The following BBX variants were observed in gnomAD, a reference collection of about 807,000 sequenced individuals.
BBX encodes HMG box transcription factor BBX.
BBX carries 30 observed loss-of-function variants against 100.2 expected under a neutral mutation model. The ratio of observed to expected loss-of-function variants is 0.30; its 90% CI spans 0.22 to 0.41. The LOEUF is 0.41. Among genes scored for constraint, BBX ranks in the 10% least tolerant of loss-of-function variants. The pLI is 1.00. For missense variants in BBX, 1,023 were observed against 1,129.8 expected, an observed-to-expected ratio of 0.91 and a Z score of 1.35; for synonymous variants, 376 against 388.1, an observed-to-expected ratio of 0.97 and a Z score of 0.37.
intron 3 of BBX, among the ~76,000 whole-genome samples, chr3:107,673,094 T>A (rs1246545502): frequency 6.6e-6 from 1 of 152,064 alleles, no homozygotes; most frequent in East Asian, 1.9e-4. Flanking sequence ...TATAATTTTG[T>A]GATTTTGAAT....
intron 3 of BBX, among the ~76,000 whole-genome samples, chr3:107,673,922 C>T (rs976985869): frequency 1.3e-5 from 2 of 152,088 alleles, no homozygotes; most frequent in Non-Finnish European, 2.9e-5. Flanking sequence ...GCACTGTCCT[C>T]GTGACAGTCT....
intron 7 of BBX, among the ~76,000 whole-genome samples, chr3:107,736,026 A>G (rs73850144): frequency 0.017 from 2,655 of 152,148 alleles, 75 homozygotes; most frequent in African/African-American, 0.061. Flanking sequence ...CCCAGAGTAC[A>G]TTGAAATGCA....
At chr3:107,582,947 T>C (rs1012136953) in intron 2 of BBX, among the ~76,000 whole-genome samples, 3 of 151,954 alleles carry the variant, frequency 2.0e-5, no homozygotes, top group African/African-American at 4.8e-5. Context: ...GCTATAAAAG[T>C]TCTACAATGC....
intron 5 of BBX, 53 bp from the exon 6 acceptor site, chr3:107,728,712 C>T (rs2063125180): frequency 2.6e-6 from 4 of 1,514,776 alleles, no homozygotes; most frequent in Non-Finnish European, 3.6e-6. Flanking sequence ...GCCTTTAGAA[C>T]TTTTTCAATC....
At chr3:107,603,790 G>T (rs2054234785) in intron 2 of BBX, among the ~76,000 whole-genome samples, 1 of 152,054 alleles carries the variant, frequency 6.6e-6, no homozygotes. Context: ...GCAGCAAAGG[G>T]TATGACTCAC....
At chr3:107,702,071 G>A (rs934844373) in intron 3 of BBX, among the ~76,000 whole-genome samples, 1 of 152,214 alleles carries the variant, frequency 6.6e-6, no homozygotes, top group African/African-American at 2.4e-5. Context: ...AAAGCACTTA[G>A]GACCAACCTG....
At chr3:107,636,687 G>T (rs995010961) in intron 2 of BBX, among the ~76,000 whole-genome samples, 5 of 152,140 alleles carry the variant, frequency 3.3e-5, no homozygotes, top group Admixed American at 2.0e-4. Context: ...AGTGACAAAG[G>T]ATAACCCTTA....
chr3:107,731,679 CTT>C (rs369828481), intron 6 of BBX, among the ~76,000 whole-genome samples: 16 of 151,540 alleles, frequency 1.1e-4, no homozygotes, highest in Non-Finnish European at 2.4e-4. Context: ...ACCCCTGCCC[CTT>C]TTTTTTACTA....
At chr3:107,688,011 C>T (rs1268317305) in intron 3 of BBX, among the ~76,000 whole-genome samples, 1 of 151,950 alleles carries the variant, frequency 6.6e-6, no homozygotes, top group Admixed American at 6.6e-5. Flanking sequence ...GCTGAGATTG[C>T]ACCACAGCAC....
Position 107,772,992 on chromosome 3 carries a change from G to A in BBX, c.1271G>A (p.Ser424Asn), listed in dbSNP as rs1055795740. ...SSKIIISDVP[S>N]RKDHMCHPHG... ...AAGATAATAATTAGTGATGTTCCCA[G>A]TAGAAAGGATCATATGTGCCATCCT... The change falls in exon 11 of 18, where the codon AGT becomes AAT. Residue 424 changes from serine (S) to asparagine (N), a missense_variant. This residue lies in a region of BBX where 348 missense variants were observed against 353.2 expected (regional missense o/e 0.99). Transcript: ENST00000325805. The A allele has an allele frequency of 5.0e-6, 8 of 1,613,922 alleles. No homozygotes were observed. The highest frequency in any genetic ancestry group is 3.3e-4 in the Middle Eastern group (2 of 6,082).
At chr3:107,661,391 A>T (rs536646189) in intron 3 of BBX, among the ~76,000 whole-genome samples, 27 of 152,296 alleles carry the variant, frequency 1.8e-4, no homozygotes, top group African/African-American at 5.5e-4. Context: ...GGCAAGTCAC[A>T]TTACCTCTCT....
chr3:107,536,144 T>A (rs2048476644), intron 2 of BBX, among the ~76,000 whole-genome samples: 1 of 152,230 alleles, frequency 6.6e-6, no homozygotes, highest in Non-Finnish European at 1.5e-5. Flanking sequence ...TTAAGTGTGC[T>A]TTTAATTTTA....
chr3:107,576,718 C>G (rs1192077958), intron 2 of BBX, among the ~76,000 whole-genome samples: 1 of 152,056 alleles, frequency 6.6e-6, no homozygotes, highest in African/African-American at 2.4e-5. Context: ...ATTGATCTAT[C>G]TATCTAGTTA....
rs1231689290 is a variant in BBX at position 107,710,063 on chromosome 3, G to C, written c.-9-389G>C. ...GTGAACTCTTCAACTCTCTTGGGAG[G>C]CATCCTTCATGTTCTTCTGATGGGA... is the stretch of plus-strand genomic sequence containing the variant. On this transcript the variant is annotated intron_variant, in intron 3 of 17. Coordinates refer to ENST00000325805, the MANE Select transcript of BBX (RefSeq NM_001142568.3). Among the ~76,000 whole-genome samples the C allele has an allele frequency of 2.0e-5, 3 of 152,356 alleles. No homozygotes were observed. In the East Asian group the frequency reaches 5.8e-4, roughly 29 times the overall value.
At chr3:107,660,505 T>TAAAAAAAAAAAAAAAA (rs34604623) in intron 3 of BBX, among the ~76,000 whole-genome samples, 1 of 101,322 alleles carries the variant, frequency 9.9e-6, no homozygotes, top group Non-Finnish European at 2.0e-5. Flanking sequence ...CAAAAAGCAT[T>TAAAAAAAAAAAAAAAA]AAAAAAAAAA....
intron 3 of BBX, among the ~76,000 whole-genome samples, chr3:107,701,815 TA>T (rs60516191): frequency 1.4e-4 from 21 of 148,360 alleles, no homozygotes; most frequent in African/African-American, 2.2e-4. Context: ...TTCTCATCTG[TA>T]AAAAAAAAAA....
intron 3 of BBX, among the ~76,000 whole-genome samples, chr3:107,704,322 A>T (rs1382628580): frequency 6.6e-6 from 1 of 152,222 alleles, no homozygotes; most frequent in East Asian, 1.9e-4. Context: ...CCCTTTCCAG[A>T]AACTACTGTG....
At position 107,767,888 on chromosome 3, in the gene BBX, G is replaced by A. The variant is rs576273176; in HGVS notation, c.907-4740G>A. ...ACACTGACAGGAGACTGGGAGATGG[G>A]AGAAAGGGAGAGGCCAGGTTAGGGT... is the stretch of plus-strand genomic sequence containing the variant. On this transcript the variant is annotated intron_variant, in intron 10 of 17. Transcript: ENST00000325805. 2.0e-5 allele frequency among the ~76,000 whole-genome samples: 3 copies of A among 152,266 alleles called. No individual in the cohort carries two copies. In the South Asian group the frequency reaches 6.2e-4, roughly 32 times the overall value.
chr3:107,569,982 G>A (rs1434909971), intron 2 of BBX, among the ~76,000 whole-genome samples: 1 of 152,188 alleles, frequency 6.6e-6, no homozygotes, highest in East Asian at 1.9e-4. Context: ...GGGAGTGGCT[G>A]CCAGGCAAGT....
Sources: allele counts gnomAD v4.1 joint callset (sites outside exome capture counted in the v4.1 genomes callset), GRCh38; gene constraint gnomAD v4.1.1; regional missense constraint gnomAD v4.1.1; transcripts MANE v1.5; gene names NCBI Gene and HGNC (gene_info 2026-07-23, HGNC 2026-07-21).